Variants in POU2F3 observed in about 807,000 individuals in gnomAD.
The protein encoded by POU2F3 is POU class 2 homeobox 3.
In POU2F3, 23 loss-of-function variants were observed where a neutral mutation model predicts 59.2. That is an observed-to-expected ratio of 0.39 (90% CI 0.28 to 0.55). The LOEUF is 0.55. POU2F3 is among the 20% of genes least tolerant of loss of function. The pLI is 0.66. For synonymous variants in POU2F3, 190 were observed against 214.6 expected (o/e 0.89, Z 1.00); for missense variants, 473 against 544.5 (o/e 0.87, Z 1.31).
intron 3 of POU2F3, among the ~76,000 whole-genome samples, chr11:120,269,855 A>G (rs1444864834): frequency 6.6e-6 from 1 of 152,126 alleles, no homozygotes; most frequent in East Asian, 1.9e-4. Context: ...ATGGATGTGG[A>G]TGTGTAAAGA....
intron 4 of POU2F3, among the ~76,000 whole-genome samples, 160 bp downstream of exon 4, chr11:120,298,550 G>A (rs1271426314): frequency 6.6e-6 from 1 of 152,186 alleles, no homozygotes; most frequent in East Asian, 1.9e-4. Context: ...TCCTCTTACA[G>A]GTGAAGCCTA....
At chr11:120,318,049 C>T (rs538261256) in intron 12 of POU2F3, among the ~76,000 whole-genome samples, 4 of 152,134 alleles carry the variant, frequency 2.6e-5, no homozygotes, top group African/African-American at 9.7e-5. Flanking sequence ...TAGCCCGAAA[C>T]GTTGGCGCTC....
rs539585177 is a variant in POU2F3, at chr11:120,310,310, A to G, written c.1068+724A>G. Reference sequence around the variant, plus strand: ...CAAGAAAGGAAGCAAAGATGACTGAAAGGGTTTTGGCCTGAGCAATGCGTT... The same window carrying G: ...CAAGAAAGGAAGCAAAGATGACTGAGAGGGTTTTGGCCTGAGCAATGCGTT... On this transcript the variant is annotated intron_variant, in intron 10 of 12. Coordinates refer to ENST00000543440, the MANE Select transcript of POU2F3 (RefSeq NM_014352.4). Among the ~76,000 whole-genome samples the G allele has an allele frequency of 2.0e-5, 3 of 152,276 alleles. No individual in the cohort carries two copies. The East Asian group carries it at 5.8e-4, about 29-fold the overall frequency.
chr11:120,314,274 C>T (rs1453837247), intron 10 of POU2F3, among the ~76,000 whole-genome samples: 3 of 152,194 alleles, frequency 2.0e-5, no homozygotes, highest in African/African-American at 7.2e-5. Flanking sequence ...ATCTTCCAAA[C>T]TGGGGAGAGC....
intron 10 of POU2F3, among the ~76,000 whole-genome samples, chr11:120,312,264 C>T (rs374666248): frequency 6.6e-6 from 1 of 152,116 alleles, no homozygotes; most frequent in South Asian, 2.1e-4. Context: ...GCTGGGATTA[C>T]AGGCACCCAC....
intron 3 of POU2F3, among the ~76,000 whole-genome samples, chr11:120,288,082 A>G (rs1940849814): frequency 6.7e-6 from 1 of 149,494 alleles, no homozygotes; most frequent in Non-Finnish European, 1.5e-5. Context: ...AGCAGAGCTC[A>G]GAGCTGAAAA....
chr11:120,241,331 G>A (rs1938653340), intron 1 of POU2F3, among the ~76,000 whole-genome samples: 1 of 152,226 alleles, frequency 6.6e-6, no homozygotes, highest in Non-Finnish European at 1.5e-5. Context: ...TGGGAGAGTA[G>A]GGAGGAGGCA....
intron 10 of POU2F3, among the ~76,000 whole-genome samples, chr11:120,312,927 G>T (rs1383006730): frequency 2.0e-5 from 3 of 152,128 alleles, no homozygotes; most frequent in Non-Finnish European, 4.4e-5. Context: ...GGGCAGGGAA[G>T]AATATTCTAG....
chr11:120,248,994 G>C (rs1164069728), intron 2 of POU2F3, among the ~76,000 whole-genome samples: 1 of 152,230 alleles, frequency 6.6e-6, no homozygotes, highest in Non-Finnish European at 1.5e-5. Context: ...AGCACCCCCT[G>C]TGCTGCGTGA....
intron 3 of POU2F3, among the ~76,000 whole-genome samples, chr11:120,276,224 G>A (rs540298876): frequency 2.0e-4 from 31 of 152,264 alleles, no homozygotes; most frequent in Non-Finnish European, 3.7e-4. Context: ...GGCCATGTTG[G>A]ATTGTTTAGT....
At chr11:120,263,767 G>T (rs772369524) in intron 2 of POU2F3, among the ~76,000 whole-genome samples, 1 of 152,174 alleles carries the variant, frequency 6.6e-6, no homozygotes, top group Non-Finnish European at 1.5e-5. Flanking sequence ...TATGTGTTCT[G>T]TCCTTTTCTG....
intron 1 of POU2F3, among the ~76,000 whole-genome samples, chr11:120,245,618 C>T (rs1938837236): frequency 6.6e-6 from 1 of 152,142 alleles, no homozygotes; most frequent in African/African-American, 2.4e-5. Context: ...CCCCTGCTGA[C>T]CCCAAGAGGA....
In POU2F3 at chr11:120,304,942, TAAAAAAAAAA is replaced by T. The variant is rs11443197; in HGVS notation, c.445-68_445-59del. 103 of 336,654 alleles carry T rather than the reference TAAAAAAAAAA, an allele frequency of 3.1e-4. 1 individual carries two copies. Among genetic ancestry groups the T allele is most frequent in the Middle Eastern group, 1.0e-3 (1 of 992 alleles). The allele number at this position is 336,654 out of a possible 1,614,324, so 20.9% of individuals were successfully genotyped here. A position where few individuals can be genotyped will look rare whatever the true frequency, so the allele number is the denominator to read the frequency against. On this transcript the variant is annotated intron_variant, in intron 6 of 12. Coordinates refer to ENST00000543440, the MANE Select transcript of POU2F3 (RefSeq NM_014352.4). ...GTCATCCTCTAAGTGGGCCTATTAG[TAAAAAAAAAA>T]AAAAAAAAAAAAAAAAAAATCAGAA...
chr11:120,308,934 G>A (rs1282529968), intron 9 of POU2F3, among the ~76,000 whole-genome samples: 11 of 23,272 alleles, frequency 4.7e-4, no homozygotes, highest in East Asian at 2.0e-3. Flanking sequence ...GCGAGACTCC[G>A]TCTCAAAAAA....
At chr11:120,236,752 A>G (rs1437739020), upstream of POU2F3, 19 of 1,421,044 alleles carry the variant, frequency 1.3e-5, no homozygotes, top group East Asian at 4.0e-4. Flanking sequence ...TCTAACTGAA[A>G]TGATCAGTGA....
chr11:120,284,247 C>T (rs1018672137), intron 3 of POU2F3, among the ~76,000 whole-genome samples: 1 of 152,204 alleles, frequency 6.6e-6, no homozygotes, highest in Admixed American at 6.5e-5. Flanking sequence ...AACCTCTCCA[C>T]CTGCCTATCA....
intron 1 of POU2F3, among the ~76,000 whole-genome samples, chr11:120,241,639 C>T (rs552754883): frequency 6.6e-6 from 1 of 152,322 alleles, no homozygotes; most frequent in African/African-American, 2.4e-5. Context: ...CGGGTAGGTG[C>T]TCTCCCCTTC....
chr11:120,273,990 C>A (rs1940192206), intron 3 of POU2F3, among the ~76,000 whole-genome samples: 1 of 149,346 alleles, frequency 6.7e-6, no homozygotes, highest in South Asian at 2.1e-4. Context: ...TGCACTCCAG[C>A]CTGGATGACA....
At chr11:120,288,808 T>C (rs547529940) in intron 3 of POU2F3, among the ~76,000 whole-genome samples, 2 of 151,792 alleles carry the variant, frequency 1.3e-5, no homozygotes, top group African/African-American at 2.4e-5. Flanking sequence ...ATGTATTACA[T>C]ACGCACATGT....
Sources: gnomAD v4.1 joint callset for allele counts (sites outside exome capture counted in the v4.1 genomes callset) on GRCh38, gnomAD v4.1.1 for gene constraint, MANE v1.5 for transcripts, NCBI Gene and HGNC (gene_info 2026-07-23, HGNC 2026-07-21) for gene names.